Variants in ADGB observed in about 807,000 individuals in gnomAD.
The protein encoded by ADGB is androglobin.
A neutral mutation model predicts 210.5 loss-of-function variants in ADGB; 172 were observed. The observed-to-expected ratio is 0.82, with a 90% CI of 0.72 to 0.93. ADGB has a LOEUF of 0.93. ADGB is among the 40% of genes least tolerant of loss of function. The pLI is 0.00. For missense variants in ADGB, 2,025 were observed against 1,964.8 expected, an observed-to-expected ratio of 1.03 and a Z score of -0.58; for synonymous variants, 658 against 662.7, an observed-to-expected ratio of 0.99 and a Z score of 0.11.
At chr6:146,653,878 T>C (rs1388391763) in intron 3 of ADGB, among the ~76,000 whole-genome samples, 2 of 152,184 alleles carry the variant, frequency 1.3e-5, no homozygotes, top group Non-Finnish European at 2.9e-5. Context: ...TGTTTATTTC[T>C]TATTTCTCTG....
chr6:146,766,309 C>T (rs186507415), intron 28 of ADGB, among the ~76,000 whole-genome samples: 283 of 152,058 alleles, frequency 1.9e-3, no homozygotes, highest in African/African-American at 6.2e-3. Context: ...TGTCTGTAAT[C>T]CCAGCTACTT....
At chr6:146,673,795 C>T (rs560038568) in intron 8 of ADGB, among the ~76,000 whole-genome samples, 1 of 152,164 alleles carries the variant, frequency 6.6e-6, no homozygotes, top group Admixed American at 6.5e-5. Context: ...TTTAAGACAA[C>T]CAAGTGGGTT....
intron 28 of ADGB, among the ~76,000 whole-genome samples, chr6:146,767,766 A>G (rs1012956058): frequency 2.6e-5 from 4 of 152,162 alleles, no homozygotes; most frequent in Non-Finnish European, 2.9e-5. Context: ...TGTATTTCAC[A>G]GTCAAGGAAC....
chr6:146,631,692 G>C (rs999652156), intron 1 of ADGB, among the ~76,000 whole-genome samples: 1 of 152,032 alleles, frequency 6.6e-6, no homozygotes, highest in Admixed American at 6.6e-5. Flanking sequence ...TACCACAGTG[G>C]AGTTTACAAA....
intron 35 of ADGB, among the ~76,000 whole-genome samples, chr6:146,804,192 G>A (rs778550134): frequency 6.6e-6 from 1 of 152,008 alleles, no homozygotes; most frequent in Non-Finnish European, 1.5e-5. Flanking sequence ...TAGAAAAGGG[G>A]AAATTCAATA....
chr6:146,708,923 A>C (rs1776617933), intron 13 of ADGB, among the ~76,000 whole-genome samples: 2 of 151,524 alleles, frequency 1.3e-5, no homozygotes, highest in South Asian at 4.2e-4. Context: ...TTGAGTGCAT[A>C]TTTTCCAATA....
intron 7 of ADGB, 62 bp from the exon 8 acceptor site, chr6:146,672,158 G>A: frequency 1.4e-6 from 2 of 1,440,374 alleles, no homozygotes; most frequent in Non-Finnish European, 1.8e-6. Context: ...GTAATTTCTT[G>A]CGAAGTTCAA....
chr6:146,726,148 T>C lies in ADGB; in HGVS notation c.2303T>C (p.Val768Ala), dbSNP rs1299177830. ...CACTCCATACACATCTGCAGCATGG[T>C]GTCATTTGTCATTGGGGATGAACAC... is the stretch of plus-strand genomic sequence containing the variant. ...VGHSIHICSM[V>A]SFVIGDEHVV... Residue 768 changes from valine (V) to alanine (A), a missense_variant, in exon 19 of 36, where the codon GTG (valine) becomes GCG (alanine). Coordinates refer to ENST00000397944, the MANE Select transcript of ADGB (RefSeq NM_024694.4). 1 of 1,549,986 alleles carries C rather than the reference T, an allele frequency of 6.5e-7. No homozygotes were observed. The highest frequency in any genetic ancestry group is 8.7e-7 in the Non-Finnish European group (1 of 1,145,252).
chr6:146,607,925 T>C (rs992510693), intron 1 of ADGB, among the ~76,000 whole-genome samples: 1 of 152,320 alleles, frequency 6.6e-6, no homozygotes, highest in East Asian at 1.9e-4. Flanking sequence ...TAGAATGAGA[T>C]AGGGAGGAGT....
At chr6:146,734,315 G>A (rs569807457) in intron 22 of ADGB, among the ~76,000 whole-genome samples, 63 of 152,314 alleles carry the variant, frequency 4.1e-4, no homozygotes, top group Non-Finnish European at 5.3e-4. Context: ...TCTATTGCAA[G>A]TTCTTTTAAA....
At chr6:146,782,464 A>G (rs1216716302) in intron 30 of ADGB, among the ~76,000 whole-genome samples, 1 of 152,210 alleles carries the variant, frequency 6.6e-6, no homozygotes, top group Non-Finnish European at 1.5e-5. Flanking sequence ...TACTAACCCT[A>G]AAAGAATTCA....
Position 146,745,987 on chromosome 6 carries a change from A to C in ADGB, c.3243A>C (p.Lys1081Asn). 6.4e-7 allele frequency: 1 copy of C among 1,551,312 alleles called. No individual in the cohort carries two copies. Among genetic ancestry groups the C allele is most frequent in the Non-Finnish European group, 8.7e-7 (1 of 1,146,782 alleles). Residue 1081 changes from lysine (K) to asparagine (N), a missense_variant, in exon 26 of 36, where the codon AAA (lysine) becomes AAC (asparagine). Physicochemically the swap from Lys to Asn is moderately conservative, Grantham distance 94 (BLOSUM62 0). Transcript: ENST00000397944. ...GDTYVAASRW[K>N]LRLIGSSAPL... Reference sequence around the variant, plus strand: ...CATATGTAGCAGCCTCACGATGGAAACTGCGTCTCATCGGTTCTTCTGCTC... The same window carrying C: ...CATATGTAGCAGCCTCACGATGGAACCTGCGTCTCATCGGTTCTTCTGCTC...
rs143509528 is a variant in ADGB at position 146,809,410 on chromosome 6, C to T, written c.4819-5622C>T. 7.9e-3 allele frequency among the ~76,000 whole-genome samples: 1,200 copies of T among 152,150 alleles called. 3 individuals are homozygous for T. The highest frequency in any genetic ancestry group is 0.014 in the Middle Eastern group (4 of 294). ...AGTAGAGACGGGGGTTTCACCAGGTCGACCAGGCTGGTCTTGAACTCTTGA... is the reference window on the plus strand; with the variant it reads ...AGTAGAGACGGGGGTTTCACCAGGTTGACCAGGCTGGTCTTGAACTCTTGA... On this transcript the variant is annotated intron_variant, in intron 35 of 35. Coordinates refer to ENST00000397944, the MANE Select transcript of ADGB (RefSeq NM_024694.4).
At chr6:146,751,835 T>C (rs1451052638) in intron 26 of ADGB, among the ~76,000 whole-genome samples, 1 of 152,148 alleles carries the variant, frequency 6.6e-6, no homozygotes, top group Non-Finnish European at 1.5e-5. Flanking sequence ...AAGTGACTGC[T>C]TATTACATCT....
intron 25 of ADGB, among the ~76,000 whole-genome samples, chr6:146,743,626 AG>A (rs918484044): frequency 1.3e-5 from 2 of 152,148 alleles, no homozygotes; most frequent in African/African-American, 4.8e-5. Context: ...TTAGAAAAAA[AG>A]TTAAGGCCGG....
At chr6:146,793,403 G>C (rs35480873) in intron 33 of ADGB, among the ~76,000 whole-genome samples, 13,308 of 152,182 alleles carry the variant, frequency 0.087, 901 homozygotes, top group African/African-American at 0.19. Flanking sequence ...GCTGGGAATG[G>C]GGTGATGACC....
intron 33 of ADGB, among the ~76,000 whole-genome samples, chr6:146,789,534 T>C (rs1409407811): frequency 6.6e-6 from 1 of 152,212 alleles, no homozygotes; most frequent in African/African-American, 2.4e-5. Flanking sequence ...AGCTAAAGTA[T>C]GTCCTTAAGT....
chr6:146,603,493 T>A (rs942584162), intron 1 of ADGB, among the ~76,000 whole-genome samples: 10 of 152,206 alleles, frequency 6.6e-5, no homozygotes, highest in African/African-American at 2.4e-4. Context: ...CACAATTTGA[T>A]GTTTATACTT....
chr6:146,711,872 A>C (rs1776661477), intron 13 of ADGB, among the ~76,000 whole-genome samples: 1 of 151,880 alleles, frequency 6.6e-6, no homozygotes, highest in Admixed American at 6.6e-5. Context: ...CTACAAAAAC[A>C]AACAAAAAAA....
Sources: gnomAD v4.1 joint callset for allele counts (sites outside exome capture counted in the v4.1 genomes callset) on GRCh38, gnomAD v4.1.1 for gene constraint, MANE v1.5 for transcripts, NCBI Gene and HGNC (gene_info 2026-07-23, HGNC 2026-07-21) for gene names.